Variants in SRRM4 observed in about 807,000 individuals in gnomAD.
SRRM4 encodes serine/arginine repetitive matrix protein 4.
A neutral mutation model predicts 68.9 loss-of-function variants in SRRM4; 33 were observed. The observed-to-expected ratio is 0.48, with a 90% CI of 0.36 to 0.64. The LOEUF is 0.64. SRRM4 is among the 30% of genes least tolerant of loss of function. SRRM4 has a pLI of 0.00. For missense variants in SRRM4, 817 were observed against 827.1 expected (o/e 0.99, Z 0.15); for synonymous variants, 318 against 318.8 (o/e 1.00, Z 0.03).
At chr12:119,138,429 T>A (rs1034475269) in intron 8 of SRRM4, among the ~76,000 whole-genome samples, 2 of 152,118 alleles carry the variant, frequency 1.3e-5, no homozygotes, top group South Asian at 4.1e-4. Context: ...CAGATAGTAT[T>A]CTCTGGTGCC....
At chr12:119,061,430 A>G (rs1184099980) in intron 1 of SRRM4, among the ~76,000 whole-genome samples, 3 of 152,194 alleles carry the variant, frequency 2.0e-5, no homozygotes, top group African/African-American at 7.2e-5. Context: ...ACCACTGATT[A>G]AATAACAGGC....
intron 5 of SRRM4, 95 bp from the exon 6 acceptor site, chr12:119,121,975 C>T: frequency 1.2e-6 from 1 of 815,598 alleles, no homozygotes; most frequent in Non-Finnish European, 2.1e-6. Flanking sequence ...TCCAAAACTG[C>T]CTGGATCTCA....
chr12:119,065,116 T>C (rs1280922105), intron 1 of SRRM4, among the ~76,000 whole-genome samples: 1 of 152,174 alleles, frequency 6.6e-6, no homozygotes, highest in East Asian at 1.9e-4. Flanking sequence ...AAATTGAGGC[T>C]CACAGAAGTA....
intron 1 of SRRM4, among the ~76,000 whole-genome samples, chr12:119,075,582 TGA>T (rs1401727922): frequency 9.0e-5 from 13 of 143,718 alleles, no homozygotes; most frequent in Middle Eastern, 3.5e-3. Context: ...GTGATGATGG[TGA>T]TGATGATGAT....
intron 1 of SRRM4, among the ~76,000 whole-genome samples, chr12:119,048,386 C>T (rs1953720877): frequency 6.6e-6 from 1 of 152,094 alleles, no homozygotes; most frequent in Non-Finnish European, 1.5e-5. Flanking sequence ...TTTAGCGAGC[C>T]CATGTGATGG....
intron 1 of SRRM4, among the ~76,000 whole-genome samples, chr12:119,026,729 T>G (rs1297443561): frequency 2.0e-5 from 3 of 151,976 alleles, no homozygotes; most frequent in African/African-American, 7.2e-5. Context: ...TTGTTTTTTT[T>G]GTAGAGACAG....
chr12:118,988,237 A>G (rs1953295320), intron 1 of SRRM4, among the ~76,000 whole-genome samples: 1 of 152,210 alleles, frequency 6.6e-6, no homozygotes, highest in Admixed American at 6.5e-5. Flanking sequence ...TGATTCTTCT[A>G]TTTCATCAAC....
chr12:119,114,750 C>T (rs1215774992), intron 3 of SRRM4, among the ~76,000 whole-genome samples: 9 of 149,152 alleles, frequency 6.0e-5, no homozygotes, highest in Admixed American at 1.4e-4. Context: ...CTGCAATCTC[C>T]GCCTCCCAGG....
At chr12:119,073,408 A>C in intron 1 of SRRM4, among the ~76,000 whole-genome samples, 1 of 149,402 alleles carries the variant, frequency 6.7e-6, no homozygotes. Context: ...GCTCACTGCA[A>C]CCTCCACCTC....
At chr12:119,147,556 T>G (rs1029684060) in intron 9 of SRRM4, among the ~76,000 whole-genome samples, 1 of 152,214 alleles carries the variant, frequency 6.6e-6, no homozygotes, top group Non-Finnish European at 1.5e-5. Context: ...AGGCTGTGCG[T>G]GTGTAGCAGC....
At chr12:119,044,631 C>T (rs1953693572) in intron 1 of SRRM4, among the ~76,000 whole-genome samples, 1 of 152,012 alleles carries the variant, frequency 6.6e-6, no homozygotes, top group Non-Finnish European at 1.5e-5. Context: ...CCTTTAGCCT[C>T]CCTGAGCCTC....
At chr12:119,061,347 TC>T (rs1320619902) in intron 1 of SRRM4, among the ~76,000 whole-genome samples, 2 of 152,162 alleles carry the variant, frequency 1.3e-5, no homozygotes, top group African/African-American at 4.8e-5. Flanking sequence ...TGGCAGAACT[TC>T]CGCTCAAATC....
intron 1 of SRRM4, among the ~76,000 whole-genome samples, chr12:119,024,977 C>G (rs1040241171): frequency 3.9e-5 from 6 of 152,132 alleles, no homozygotes; most frequent in Non-Finnish European, 5.9e-5. Flanking sequence ...TACGGTGCTG[C>G]CCTACATAGA....
intron 1 of SRRM4, among the ~76,000 whole-genome samples, chr12:119,051,857 G>A (rs766456143): frequency 2.0e-5 from 3 of 152,202 alleles, no homozygotes; most frequent in Non-Finnish European, 2.9e-5. Context: ...TTACAGCATC[G>A]TCAAACATGA....
At chr12:119,147,332 C>T (rs116254784) in intron 9 of SRRM4, among the ~76,000 whole-genome samples, 2,184 of 152,258 alleles carry the variant, frequency 0.014, 61 homozygotes, top group African/African-American at 0.05. Flanking sequence ...ATAGGCAGAG[C>T]ACAGAGGATT....
chr12:119,071,054 C>T (rs1187842475), intron 1 of SRRM4, among the ~76,000 whole-genome samples: 1 of 152,196 alleles, frequency 6.6e-6, no homozygotes, highest in Non-Finnish European at 1.5e-5. Context: ...CTCAGGTTTT[C>T]CGTGGCAGGC....
intron 1 of SRRM4, among the ~76,000 whole-genome samples, chr12:118,991,093 C>A (rs1953313922): frequency 6.6e-6 from 1 of 152,186 alleles, no homozygotes; most frequent in Non-Finnish European, 1.5e-5. Context: ...GTGTGAGCCA[C>A]CATGCCTGGA....
At position 118,982,020 on chromosome 12, in the gene SRRM4, A is replaced by G; in HGVS notation, c.131+7A>G. 1 of 1,605,720 alleles carries G rather than the reference A, an allele frequency of 6.2e-7. No individual in the cohort carries two copies. The highest frequency in any genetic ancestry group is 8.5e-7 in the Non-Finnish European group (1 of 1,176,318). On this transcript the variant is annotated splice_region_variant and intron_variant, in intron 1 of 12. Coordinates refer to ENST00000267260, the MANE Select transcript of SRRM4 (RefSeq NM_194286.4). ...CCCGCAAGCCGCTGCCAAGGTAATG[A>G]TCTCCTTCTTAGAAGGGGGGATCCT...
intron 1 of SRRM4, among the ~76,000 whole-genome samples, chr12:118,986,302 C>T (rs970251458): frequency 3.9e-5 from 6 of 152,068 alleles, no homozygotes; most frequent in South Asian, 2.1e-4. Context: ...GGTGAATGAG[C>T]GTTTTTCTCT....
Sources: gnomAD v4.1 joint callset for allele counts (sites outside exome capture counted in the v4.1 genomes callset) on GRCh38, gnomAD v4.1.1 for gene constraint, MANE v1.5 for transcripts, NCBI Gene and HGNC (gene_info 2026-07-23, HGNC 2026-07-21) for gene names.